The following MUC17 variants were observed in gnomAD, a reference collection of about 807,000 sequenced individuals.
MUC17 encodes the protein mucin 17, cell surface associated.
A neutral mutation model predicts 170.3 loss-of-function variants in MUC17; 190 were observed. The ratio of observed to expected loss-of-function variants is 1.12; its 90% CI spans 0.99 to 1.26. MUC17 has a LOEUF of 1.26. Ranked by LOEUF, MUC17 falls within the 50% of genes most tolerant of loss-of-function variation. MUC17 has a pLI of 0.00. For synonymous variants in MUC17, 2,325 were observed against 2,002.5 expected (o/e 1.16, Z -4.30); for missense variants, 6,415 against 5,530.0 (o/e 1.16, Z -5.08).
Position 101,038,939 on chromosome 7 carries a change from C to G in MUC17, c.7523C>G (p.Ser2508Ter), listed in dbSNP as rs1332750493. ...GCTGAAGATATCGTCGTGCCAATCT[C>G]AACTGCTAGTGAAGGAAGTACTCTA... ...TTAEDIVVPI[S>*]TASEGSTLLT... is the part of the protein sequence containing the mutation. Residue 2508 changes from serine (S) to a stop codon, truncating the protein, a stop_gained, in exon 3 of 13, where the codon TCA becomes TGA. Coordinates refer to ENST00000306151, the MANE Select transcript of MUC17 (RefSeq NM_001040105.2). LOFTEE classifies it high-confidence loss of function. 2 of 1,614,136 alleles carry G rather than the reference C, an allele frequency of 1.2e-6. No homozygotes were observed. The highest frequency in any genetic ancestry group is 1.7e-5 in the Admixed American group (1 of 60,008).
Position 101,031,959 on chromosome 7 carries a change from G to C in MUC17, c.543G>C (p.Lys181Asn). 6.2e-7 allele frequency: 1 copy of C among 1,614,062 alleles called. No homozygotes were observed. The highest frequency in any genetic ancestry group is 8.5e-7 in the Non-Finnish European group (1 of 1,180,032). ...AGGCCTACACATCTTTAACATATAA[G>C]GTTGATATGAGCACACCTCTGACCA... ...SFEAYTSLTY[K>N]VDMSTPLTTS... Residue 181 changes from lysine to asparagine, a missense_variant, in exon 3 of 13, where the codon AAG (lysine) becomes AAC (asparagine). Physicochemically the swap from Lys to Asn is moderately conservative, Grantham distance 94. Transcript: ENST00000306151.
chr7:101,048,927 C>T lies in MUC17; in HGVS notation c.12618C>T (p.His4206=). 1.9e-6 allele frequency: 3 copies of T among 1,614,060 alleles called. No homozygotes were observed. The highest frequency in any genetic ancestry group is 2.5e-6 in the Non-Finnish European group (3 of 1,179,942). ...SVKFTEELKN[H]SSQEFQEFKQ... ...AGTTCACCGAAGAGCTAAAAAACCA[C>T]TCTTCCCAGGAATTCCAGGAGTTCA... is the stretch of plus-strand genomic sequence containing the variant. The change falls in exon 5 of 13, where the codon CAC becomes CAT. Residue 4206 remains histidine (H), a synonymous_variant. Transcript: ENST00000306151.
chr7:101,039,205 A>G lies in MUC17; in HGVS notation c.7789A>G (p.Thr2597Ala), dbSNP rs368230962. The change falls in exon 3 of 13, where the codon ACT becomes GCT. Residue 2597 changes from threonine (T) to alanine (A), a missense_variant. Physicochemically the swap from Thr to Ala is moderately conservative, Grantham distance 58 (BLOSUM62 0). Coordinates refer to ENST00000306151, the MANE Select transcript of MUC17 (RefSeq NM_001040105.2). ...ASSEASTLST[T>A]PVDTSIPVTT... ...TTCTGAGGCTAGCACTCTTTCAACA[A>G]CTCCTGTTGACACCAGCATACCTGT... 40 of 1,612,960 alleles carry G rather than the reference A, an allele frequency of 2.5e-5. No individual in the cohort carries two copies. Among genetic ancestry groups the G allele is most frequent in the Admixed American group, 8.3e-5 (5 of 59,922 alleles).
At position 101,020,295 on chromosome 7, in the gene MUC17, G is replaced by A. The variant is rs1050329785; in HGVS notation, c.82+78G>A. 7 of 1,295,690 alleles carry A rather than the reference G, an allele frequency of 5.4e-6. No individual in the cohort carries two copies. The Admixed American group carries it at 1.5e-4, about 28-fold the overall frequency. The allele number at this position is 1,295,690 out of a possible 1,614,324, so 80.3% of individuals were successfully genotyped here. A position where few individuals can be genotyped will look rare whatever the true frequency, so the allele number is the denominator to read the frequency against. On this transcript the variant is annotated intron_variant, in intron 1 of 12. Coordinates refer to ENST00000306151, the MANE Select transcript of MUC17 (RefSeq NM_001040105.2). ...CCTGCTCTGTCTGCCCATCCCCGAG[G>A]GAGAGCTGCCTCCAGGACACCAATA... is the stretch of plus-strand genomic sequence containing the variant.
At chr7:101,046,718 T>C (rs1254981570) in intron 3 of MUC17, among the ~76,000 whole-genome samples, 2 of 151,954 alleles carry the variant, frequency 1.3e-5, no homozygotes, top group Non-Finnish European at 2.9e-5. Flanking sequence ...GTCAAGGCTG[T>C]AGTGAGCTAT....
chr7:101,048,062 C>T lies in MUC17; in HGVS notation c.12482C>T (p.Pro4161Leu). Residue 4161 changes from proline to leucine, a missense_variant, in exon 4 of 13, where the codon CCC becomes CTC. Transcript: ENST00000306151. ...TGGGATGGGCTCAAGTGCCAGTGTC[C>T]CAACCTCTATTATGGGGAGTTGTGT... ...GTWDGLKCQC[P>L]NLYYGELCEE... is the part of the protein sequence containing the mutation. 6.2e-7 allele frequency: 1 copy of T among 1,606,056 alleles called. No individual in the cohort carries two copies. The highest frequency in any genetic ancestry group is 8.5e-7 in the Non-Finnish European group (1 of 1,176,664).
intron 1 of MUC17, among the ~76,000 whole-genome samples, chr7:101,026,192 T>C (rs1282161871): frequency 2.6e-5 from 4 of 152,206 alleles, no homozygotes; most frequent in Non-Finnish European, 5.9e-5. Context: ...CCGGGCACAG[T>C]GGAGTGAAGG....
chr7:101,041,438 C>T lies in MUC17; in HGVS notation c.10022C>T (p.Pro3341Leu), dbSNP rs1294277242. Reference sequence around the variant, plus strand: ...TCAACTTATAGTGAAGGAAGCACTCCACTAACAAATATGTCTTTCAGCACC... The same window carrying T: ...TCAACTTATAGTGAAGGAAGCACTCTACTAACAAATATGTCTTTCAGCACC... ...PTSTYSEGST[P>L]LTNMSFSTTP... is the part of the protein sequence containing the mutation. Residue 3341 changes from proline to leucine, a missense_variant, in exon 3 of 13, where the codon CCA becomes CTA. By Grantham distance (98) the Pro-to-Leu change is moderately conservative (BLOSUM62 -3). Transcript: ENST00000306151. 6.2e-7 allele frequency: 1 copy of T among 1,614,168 alleles called. No individual in the cohort carries two copies. Among genetic ancestry groups the T allele is most frequent in the South Asian group, 1.1e-5 (1 of 91,076 alleles).
Position 101,043,348 on chromosome 7 carries a change from A to G in MUC17, c.11932A>G (p.Ser3978Gly), listed in dbSNP as rs1395927096. Residue 3978 changes from serine to glycine, a missense_variant, in exon 3 of 13, where the codon AGT (serine) becomes GGT (glycine). Coordinates refer to ENST00000306151, the MANE Select transcript of MUC17 (RefSeq NM_001040105.2). ...STELNTPSTS[S>G]SSTTTSFSTT... ...TGAACTAAACACACCATCAACCTCC[A>G]GTAGTAGTACCACCACATCTTTTTC... 4.3e-6 allele frequency: 7 copies of G among 1,614,064 alleles called. No individual in the cohort carries two copies. Among genetic ancestry groups the G allele is most frequent in the Non-Finnish European group, 5.1e-6 (6 of 1,180,040 alleles).
At position 101,041,092 on chromosome 7, in the gene MUC17, A is replaced by G; in HGVS notation, c.9676A>G (p.Ser3226Gly). The G allele has an allele frequency of 6.2e-7, 1 of 1,613,618 alleles. No individual in the cohort carries two copies. Among genetic ancestry groups the G allele is most frequent in the Non-Finnish European group, 8.5e-7 (1 of 1,179,906 alleles). The change falls in exon 3 of 13, where the codon AGT becomes GGT. Residue 3226 changes from serine to glycine, a missense_variant. Coordinates refer to ENST00000306151, the MANE Select transcript of MUC17 (RefSeq NM_001040105.2). ...TPSEGMTPLTSVPVSNTPVAS... is the reference protein window; with the variant it reads ...TPSEGMTPLTGVPVSNTPVAS... ...TAGTGAAGGAATGACTCCATTAACT[A>G]GTGTACCTGTCAGCAACACGCCGGT...
At chr7:101,047,602 G>A (rs1190950290) in intron 3 of MUC17, among the ~76,000 whole-genome samples, 2 of 152,118 alleles carry the variant, frequency 1.3e-5, no homozygotes, top group Admixed American at 1.3e-4. Flanking sequence ...GGCTGAGGTG[G>A]GCAGATCACC....
rs776642400 is a variant in MUC17 at position 101,036,850 on chromosome 7, A to G, written c.5434A>G (p.Ser1812Gly). 61 of 1,605,550 alleles carry G rather than the reference A, an allele frequency of 3.8e-5. No homozygotes were observed. The highest frequency in any genetic ancestry group is 1.7e-4 in the Middle Eastern group (1 of 5,978). The change falls in exon 3 of 13, where the codon AGC becomes GGC. Residue 1812 changes from serine (S) to glycine (G), a missense_variant. Coordinates refer to ENST00000306151, the MANE Select transcript of MUC17 (RefSeq NM_001040105.2). Reference protein sequence around the residue: ...TLSEGMTPLTSTPVSHTLVAN... With the variant: ...TLSEGMTPLTGTPVSHTLVAN... ...TAGTGAAGGAATGACTCCATTAACA[A>G]GCACACCTGTCAGCCACACGCTGGT...
At chr7:101,053,229 A>C in intron 10 of MUC17, 82 bp downstream of exon 10, 2 of 1,587,184 alleles carry the variant, frequency 1.3e-6, no homozygotes, top group Admixed American at 3.5e-5. Flanking sequence ...TAATCACTTC[A>C]TAGTCTAGGT....
At position 101,039,806 on chromosome 7, in the gene MUC17, T is replaced by C. The variant is rs752029816; in HGVS notation, c.8390T>C (p.Val2797Ala). The C allele has an allele frequency of 6.5e-7, 1 of 1,546,858 alleles. No individual in the cohort carries two copies. ...EASSSPTTAE[V>A]TSMPTSTPSE... ...AGTTCCTCTCCTACAACTGCTGAAG[T>C]TACCAGCATGCCAACCTCAACTCCT... Residue 2797 changes from valine to alanine, a missense_variant, in exon 3 of 13, where the codon GTT becomes GCT. Val to Ala is a moderately conservative substitution (Grantham distance 64). Transcript: ENST00000306151.
intron 4 of MUC17, among the ~76,000 whole-genome samples, chr7:101,048,457 G>A (rs1794881337): frequency 6.6e-6 from 1 of 151,622 alleles, no homozygotes; most frequent in South Asian, 2.1e-4. Flanking sequence ...TTGACTGGGT[G>A]TGGTGGTGCA....
At position 101,036,623 on chromosome 7, in the gene MUC17, G is replaced by T. The variant is rs769619923; in HGVS notation, c.5207G>T (p.Gly1736Val). ...CGTTCATCTCCTACAACTTCTGAAGGTACCAGCATGCCAAACTCAACTCCT... is the reference window on the plus strand; with the variant it reads ...CGTTCATCTCCTACAACTTCTGAAGTTACCAGCATGCCAAACTCAACTCCT... ...EARSSPTTSE[G>V]TSMPNSTPSE... is the part of the protein sequence containing the mutation. The change falls in exon 3 of 13, where the codon GGT becomes GTT. Residue 1736 changes from glycine to valine, a missense_variant. By Grantham distance (109) the Gly-to-Val change is moderately radical. Coordinates refer to ENST00000306151, the MANE Select transcript of MUC17 (RefSeq NM_001040105.2). The T allele has an allele frequency of 1.9e-6, 3 of 1,612,400 alleles. No homozygotes were observed. The highest frequency in any genetic ancestry group is 2.2e-5 in the South Asian group (2 of 90,996).
Position 101,040,127 on chromosome 7 carries a change from C to G in MUC17, c.8711C>G (p.Thr2904Ser). 2 of 1,612,904 alleles carry G rather than the reference C, an allele frequency of 1.2e-6. No homozygotes were observed. Among genetic ancestry groups the G allele is most frequent in the Non-Finnish European group, 1.7e-6 (2 of 1,179,474 alleles). The change falls in exon 3 of 13, where the codon ACT (threonine) becomes AGT (serine). Residue 2904 changes from threonine (T) to serine (S), a missense_variant. Thr to Ser is a moderately conservative substitution (Grantham distance 58, BLOSUM62 1). Coordinates refer to ENST00000306151, the MANE Select transcript of MUC17 (RefSeq NM_001040105.2). ...VDTSIPVTTSTEGSSSPTTAE... is the reference protein window; with the variant it reads ...VDTSIPVTTSSEGSSSPTTAE... Reference sequence around the variant, plus strand: ...ACCAGCATACCTGTCACCACTTCTACTGAAGGCAGTTCTTCTCCTACAACT... The same window carrying G: ...ACCAGCATACCTGTCACCACTTCTAGTGAAGGCAGTTCTTCTCCTACAACT...
Position 101,033,043 on chromosome 7 carries a change from AC to A in MUC17, c.1629del (p.Thr544LeufsTer29). On this transcript the variant is annotated frameshift_variant, in exon 3 of 13. Transcript: ENST00000306151. LOFTEE classifies it high-confidence loss of function. Reference protein sequence around the residue: ...TTPVDTSTPVTTSSEASSSST... With the variant: ...TTPVDTSTPVXTSSEASSSST... ...TCCTGTTGACACCAGCACACCTGTG[AC>A]CACTTCTAGTGAAGCCAGTTCATCT... 1 of 1,613,652 alleles carries A rather than the reference AC, an allele frequency of 6.2e-7. No homozygotes were observed. The highest frequency in any genetic ancestry group is 8.5e-7 in the Non-Finnish European group (1 of 1,179,952).
chr7:101,035,830 G>T lies in MUC17; in HGVS notation c.4414G>T (p.Ala1472Ser). The change falls in exon 3 of 13, where the codon GCT becomes TCT. Residue 1472 changes from alanine (A) to serine (S), a missense_variant. Ala to Ser is a moderately conservative substitution (Grantham distance 99). Transcript: ENST00000306151. ...CAACACGCCGGTGGCCAATTCTGAG[G>T]CTAGCACCCTTTCAACAACTCCTGT... ...VSNTPVANSE[A>S]STLSTTPVDS... 4 of 1,600,448 alleles carry T rather than the reference G, an allele frequency of 2.5e-6. No individual in the cohort carries two copies. Among genetic ancestry groups the T allele is most frequent in the African/African-American group, 1.3e-5 (1 of 74,646 alleles).
Sources: allele counts gnomAD v4.1 joint callset (sites outside exome capture counted in the v4.1 genomes callset), GRCh38; gene constraint gnomAD v4.1.1; transcripts MANE v1.5; gene names NCBI Gene and HGNC (gene_info 2026-07-23, HGNC 2026-07-21).